Variants in LHX8 observed in about 807,000 individuals in gnomAD.
The protein encoded by LHX8 is LIM homeobox 8.
A neutral mutation model predicts 40.3 loss-of-function variants in LHX8; 12 were observed. The ratio of observed to expected loss-of-function variants is 0.30; its 90% CI spans 0.19 to 0.48. The LOEUF is 0.48. Ranked by LOEUF, LHX8 falls within the 20% of genes least tolerant of loss-of-function variation. The pLI is 0.99. For synonymous variants in LHX8, 179 were observed against 162.0 expected, an observed-to-expected ratio of 1.10 and a Z score of -0.80; for missense variants, 344 against 433.7, an observed-to-expected ratio of 0.79 and a Z score of 1.84.
At chr1:75,166,944 T>C in the LHX8 span, among the ~76,000 whole-genome samples, 2 of 152,176 alleles carry the variant, frequency 1.3e-5, no homozygotes, top group Non-Finnish European at 2.9e-5. Context: ...AGTGCTCATG[T>C]AGGGCAGGGG....
the LHX8 span, among the ~76,000 whole-genome samples, chr1:75,176,184 C>T: frequency 0.75 from 114,312 of 152,034 alleles, 43,553 homozygotes; most frequent in East Asian, 0.98. Context: ...TGGGTATATA[C>T]CCAGTAATGG....
intron 1 of LHX8, among the ~76,000 whole-genome samples, chr1:75,136,337 G>A (rs1226352268): frequency 6.6e-6 from 1 of 152,002 alleles, no homozygotes; most frequent in African/African-American, 2.4e-5. Flanking sequence ...GGGAACCGAC[G>A]TGCCCGGGTG....
rs1648900415 is a variant in LHX8 at position 75,160,881 on chromosome 1, A to G, written c.1027A>G (p.Ile343Val). 6.2e-7 allele frequency: 1 copy of G among 1,611,696 alleles called. No homozygotes were observed. Among genetic ancestry groups the G allele is most frequent in the Non-Finnish European group, 8.5e-7 (1 of 1,177,836 alleles). ...ACCCCATTCAATGACACAACTGCCA[A>G]TAAGTCATACCTAATTCTTTTTTCA... ...LLPHSMTQLP[I>V]SHT The change falls in exon 9 of 9, where the codon ATA (isoleucine) becomes GTA (valine). Residue 343 changes from isoleucine to valine, a missense_variant. By Grantham distance (29) the Ile-to-Val change is conservative (BLOSUM62 3). Around this residue, in one of 3 missense-constraint regions of LHX8, gnomAD observed 89 missense variants for 92.8 expected, o/e 0.96. Coordinates refer to ENST00000356261, the MANE Select transcript of LHX8 (RefSeq NM_001256114.2).
rs558965004 is a variant in LHX8 at position 75,129,222 on chromosome 1, C to T, written c.-490+614C>T. ...ATTACATATTTTACTAACTTCAAACCTGTGCTCTTACTATAATAACACGTT... is the reference window on the plus strand; with the variant it reads ...ATTACATATTTTACTAACTTCAAACTTGTGCTCTTACTATAATAACACGTT... On this transcript the variant is annotated intron_variant, in intron 1 of 9. Coordinates refer to the LHX8 transcript ENST00000294638. 2.4e-4 allele frequency among the ~76,000 whole-genome samples: 36 copies of T among 152,272 alleles called. 1 individual carries two copies. The highest frequency in any genetic ancestry group is 2.1e-3 in the Admixed American group (32 of 15,302).
In LHX8 at chr1:75,137,096, G is replaced by T. The variant is rs1438853750; in HGVS notation, c.76-4G>T. On this transcript the variant is annotated splice_region_variant and splice_polypyrimidine_tract_variant and intron_variant, in intron 2 of 8. Transcript: ENST00000356261. The stretch of plus-strand genomic sequence containing the variant: ...AACCGCCTGCGCCTCGCGGTTTCCT[G>T]CAGGTGAGCCCCGAGGGAGCGGGGG... 6.2e-7 allele frequency: 1 copy of T among 1,600,690 alleles called. No individual in the cohort carries two copies. The highest frequency in any genetic ancestry group is 8.5e-7 in the Non-Finnish European group (1 of 1,171,672).
At chr1:75,162,924 A>C (rs538223011), downstream of LHX8, among the ~76,000 whole-genome samples, 9 of 152,284 alleles carry the variant, frequency 5.9e-5, no homozygotes, top group African/African-American at 2.2e-4. Context: ...TTAGAGAAAG[A>C]AAACTCTATA....
intron 1 of LHX8, among the ~76,000 whole-genome samples, chr1:75,135,356 T>A (rs1337848121): frequency 6.6e-6 from 1 of 152,214 alleles, no homozygotes; most frequent in African/African-American, 2.4e-5. Context: ...CCCTGACTAT[T>A]TCTTTGCTCC....
At chr1:75,190,219 A>C in the LHX8 span, among the ~76,000 whole-genome samples, 1 of 152,042 alleles carries the variant, frequency 6.6e-6, no homozygotes, top group African/African-American at 2.4e-5. Flanking sequence ...GTGTAGACGG[A>C]CTCTTTAACA....
the LHX8 span, among the ~76,000 whole-genome samples, chr1:75,168,622 A>G: frequency 1.3e-5 from 2 of 152,070 alleles, no homozygotes; most frequent in Non-Finnish European, 2.9e-5. Flanking sequence ...ACTCAGTCAT[A>G]TGTTTCACAC....
intron 4 of LHX8, 107 bp from the exon 5 acceptor site, chr1:75,143,011 C>A: frequency 1.2e-6 from 1 of 828,512 alleles, no homozygotes; most frequent in Non-Finnish European, 2.0e-6. Context: ...TATTTAAATA[C>A]TTAGGTTATT....
At chr1:75,143,517 G>A (rs934323573) in intron 5 of LHX8, among the ~76,000 whole-genome samples, 179 bp downstream of exon 5, 3 of 152,132 alleles carry the variant, frequency 2.0e-5, no homozygotes, top group Admixed American at 2.0e-4. Context: ...GAAAGCCATG[G>A]TGTATGTATT....
In LHX8 at chr1:75,148,690, C is replaced by A; in HGVS notation, c.780+8C>A. On this transcript the variant is annotated splice_region_variant and intron_variant, in intron 7 of 8. Transcript: ENST00000356261. ...AGCAGACGTGTGATACAGGTGATTA[C>A]TTTACTTTTTTTTTTTTTTAAGGTT... is the stretch of plus-strand genomic sequence containing the variant. 1 of 1,535,886 alleles carries A rather than the reference C, an allele frequency of 6.5e-7. No individual in the cohort carries two copies. Among genetic ancestry groups the A allele is most frequent in the Non-Finnish European group, 8.8e-7 (1 of 1,131,950 alleles).
downstream of LHX8, among the ~76,000 whole-genome samples, chr1:75,161,948 CT>C (rs1648930289): frequency 6.6e-6 from 1 of 152,030 alleles, no homozygotes; most frequent in African/African-American, 2.4e-5. Flanking sequence ...AGGACTTTAT[CT>C]TATGTGGCAG....
intron 4 of LHX8, 99 bp downstream of exon 4, chr1:75,141,205 G>A: frequency 7.6e-7 from 1 of 1,317,840 alleles, no homozygotes; most frequent in Non-Finnish European, 1.1e-6. Context: ...ATTTAATGAA[G>A]CCCAGTTTTT....
At chr1:75,131,826 TG>T (rs1229475286), upstream of LHX8, 2 of 152,242 alleles carry the variant, frequency 1.3e-5, no homozygotes, top group African/African-American at 4.8e-5. Context: ...GTCTTTCCCA[TG>T]GGCTTGCAAA....
At position 75,138,723 on chromosome 1, in the gene LHX8, T is replaced by C. The variant is rs552856797; in HGVS notation, c.237+1462T>C. 2.0e-5 allele frequency among the ~76,000 whole-genome samples: 3 copies of C among 152,300 alleles called. No homozygotes were observed. In the South Asian group the frequency reaches 6.2e-4, roughly 32 times the overall value. On this transcript the variant is annotated intron_variant, in intron 3 of 8. Transcript: ENST00000356261. ...CAGCAGAGAAGATATAGAAGGGTTA[T>C]GATGAAGTGACATTTAACACAACCT...
downstream of LHX8, among the ~76,000 whole-genome samples, chr1:75,165,571 G>C (rs1184012823): frequency 6.6e-6 from 1 of 152,008 alleles, no homozygotes; most frequent in East Asian, 1.9e-4. Flanking sequence ...CACTTGTATG[G>C]GGGTATCAAT....
chr1:75,140,805 T>C (rs190745959), intron 3 of LHX8, among the ~76,000 whole-genome samples, 180 bp from the exon 4 acceptor site: 117 of 152,234 alleles, frequency 7.7e-4, no homozygotes, highest in African/African-American at 2.7e-3. Context: ...TAAAAGATAA[T>C]ATATCCAGAT....
chr1:75,190,049 T>C, the LHX8 span, among the ~76,000 whole-genome samples: 3 of 152,186 alleles, frequency 2.0e-5, no homozygotes, highest in Non-Finnish European at 4.4e-5. Context: ...GACTTATAAA[T>C]ATATTATTGT....
Sources: gnomAD v4.1 joint callset for allele counts (sites outside exome capture counted in the v4.1 genomes callset) on GRCh38, gnomAD v4.1.1 for gene constraint, gnomAD v4.1.1 regional missense constraint, MANE v1.5 for transcripts, NCBI Gene and HGNC (gene_info 2026-07-23, HGNC 2026-07-21) for gene names.